UNC13D: variants seen among roughly 807,000 people sequenced by gnomAD.
The protein encoded by UNC13D is unc-13 homolog D.
In UNC13D, 115 loss-of-function variants were observed where a neutral mutation model predicts 151.7. The ratio of observed to expected loss-of-function variants is 0.76; its 90% CI spans 0.65 to 0.88. The LOEUF (loss-of-function observed/expected upper bound fraction) is 0.88, where lower values mean the gene tolerates loss of function less well. Ranked by LOEUF, UNC13D falls within the 40% of genes least tolerant of loss-of-function variation. The probability of loss-of-function intolerance (pLI) is 0.00; values close to 1 mark genes in which losing one functional copy is unlikely to be tolerated. For synonymous variants in UNC13D, 588 were observed against 612.2 expected, an observed-to-expected ratio of 0.96 and a Z score of 0.58; for missense variants, 1,369 against 1,438.7, an observed-to-expected ratio of 0.95 and a Z score of 0.78.
chr17:75,842,532 T>G lies in UNC13D; in HGVS notation c.470A>C (p.Gln157Pro), dbSNP rs754710723. ...PGGSPGSRHR[Q>P]KAVVRHTIPE... ...GATGGTGTGCCTCACCACAGCCTTC[T>G]GCCGATGCCGGGACCCGGGGCTGCC... The change falls in exon 6 of 32, where the codon CAG becomes CCG. Residue 157 changes from glutamine (Q) to proline (P), a missense_variant. Physicochemically the swap from Gln to Pro is moderately conservative, Grantham distance 76. Around this residue, in one of 3 missense-constraint regions of UNC13D, gnomAD observed 550 missense variants for 609.0 expected, o/e 0.90. Transcript: ENST00000207549. 3 of 1,612,844 alleles carry G rather than the reference T, an allele frequency of 1.9e-6. No individual in the cohort carries two copies. The highest frequency in any genetic ancestry group is 2.5e-6 in the Non-Finnish European group (3 of 1,179,686).
In UNC13D at chr17:75,828,942, A is replaced by G. The variant is rs1443594166; in HGVS notation, c.2996T>C (p.Leu999Pro). The change falls in exon 31 of 32, where the codon CTC (leucine) becomes CCC (proline). Residue 999 changes from leucine (L) to proline (P), a missense_variant. Coordinates refer to ENST00000207549, the MANE Select transcript of UNC13D (RefSeq NM_199242.3). ...GTCGTAGTCCAGCACGGTGAGCAGGAGGCATGCCCCAGCCTTGCGGCACGG... is the reference window on the plus strand; with the variant it reads ...GTCGTAGTCCAGCACGGTGAGCAGGGGGCATGCCCCAGCCTTGCGGCACGG... ...AEPCRKAGAC[L>P]LLTVLDYDTL... 6.2e-7 allele frequency: 1 copy of G among 1,606,086 alleles called. No homozygotes were observed. The highest frequency in any genetic ancestry group is 1.3e-5 in the African/African-American group (1 of 74,920).
At chr17:75,831,648 C>G (rs1332571969) in intron 25 of UNC13D, 4 of 469,396 alleles carry the variant, frequency 8.5e-6, no homozygotes, top group Non-Finnish European at 7.8e-6. Flanking sequence ...GAGGCCAGGC[C>G]CCCAGTGACA....
rs537494557 is a variant in UNC13D, at chr17:75,827,602, G to A, written c.*363C>T. On this transcript the variant is annotated 3_prime_UTR_variant, in exon 32 of 32. Transcript: ENST00000207549. ...AACCTGGCCCCCACCCCAGTGGCTG[G>A]AACAGGAAGGCCAGGAGGCAGATGG... 4.6e-4 allele frequency: 699 copies of A among 1,532,402 alleles called. 6 individuals carry two copies. Among genetic ancestry groups the A allele is most frequent in the South Asian group, 4.6e-4 (39 of 84,040 alleles). The allele number at this position is 1,532,402 out of a possible 1,614,324, so 94.9% of individuals were successfully genotyped here.
At position 75,833,942 on chromosome 17, in the gene UNC13D, G is replaced by A; in HGVS notation, c.2367+133C>T. 1.7e-6 allele frequency: 2 copies of A among 1,151,342 alleles called. No individual in the cohort carries two copies. The highest frequency in any genetic ancestry group is 1.3e-6 in the Non-Finnish European group (1 of 781,196). 71.3% of individuals were successfully genotyped at this position (1,151,342 alleles called of 1,614,324 possible). ...CCCGTTCCTGTGAGCATCCCAGGAGGAAACTGAGGCCCAGGGAGAGAACAT... is the reference window on the plus strand; with the variant it reads ...CCCGTTCCTGTGAGCATCCCAGGAGAAAACTGAGGCCCAGGGAGAGAACAT... On this transcript the variant is annotated intron_variant, in intron 24 of 31. Transcript: ENST00000207549. The surrounding 1 kb of genome is among the most constrained non-coding windows in gnomAD (Gnocchi z 4.0).
rs374069629 is a variant in UNC13D at position 75,836,711 on chromosome 17, G to C, written c.1174-15C>G. 168 of 1,613,516 alleles carry C rather than the reference G, an allele frequency of 1.0e-4. No homozygotes were observed. The African/African-American group carries it at 1.9e-3, about 18-fold the overall frequency. On this transcript the variant is annotated splice_polypyrimidine_tract_variant and intron_variant, in intron 13 of 31. Transcript: ENST00000207549. The stretch of plus-strand genomic sequence containing the variant: ...AGCTCCTCCTGCTGAAGAGCCAGGA[G>C]ATGCTTTAGGGGCCTAGACAGCTGC...
Position 75,840,338 on chromosome 17 carries a change from C to A in UNC13D, c.754-9G>T, listed in dbSNP as rs765308578. 1 of 1,612,960 alleles carries A rather than the reference C, an allele frequency of 6.2e-7. No individual in the cohort carries two copies. The highest frequency in any genetic ancestry group is 8.5e-7 in the Non-Finnish European group (1 of 1,179,794). On this transcript the variant is annotated splice_polypyrimidine_tract_variant and intron_variant, in intron 9 of 31. Coordinates refer to ENST00000207549, the MANE Select transcript of UNC13D (RefSeq NM_199242.3). This position sits in a 1 kb window ranked among gnomAD's most constrained non-coding sequence, Gnocchi z 4.6. ...TCTCGGCAGCGCAGGTCCTGACAGG[C>A]GGGGATGCCCAGCCCGTGAGCGTCA...
Position 75,832,924 on chromosome 17 carries a change from G to T in UNC13D, c.2447+42C>A. 1 of 1,544,508 alleles carries T rather than the reference G, an allele frequency of 6.5e-7. No individual in the cohort carries two copies. Among genetic ancestry groups the T allele is most frequent in the Non-Finnish European group, 8.8e-7 (1 of 1,138,292 alleles). On this transcript the variant is annotated intron_variant, in intron 25 of 31. Transcript: ENST00000207549. This position sits in a 1 kb window ranked among gnomAD's most constrained non-coding sequence, Gnocchi z 4.3. ...GGAAGGAGGGGCCGTGGGAGGAGAG[G>T]GGGAGGTGGCGAGCGCGCCCAGGGC...
At chr17:75,828,188 C>T (rs960560983) in intron 31 of UNC13D, 102 bp from the exon 32 acceptor site, 1 of 1,471,606 alleles carries the variant, frequency 6.8e-7, no homozygotes, top group Non-Finnish European at 9.2e-7. Flanking sequence ...TGCTCCATCT[C>T]CCCAACAACC....
At position 75,830,170 on chromosome 17, in the gene UNC13D, G is replaced by A. The variant is rs369860531; in HGVS notation, c.2831-19C>T. On this transcript the variant is annotated intron_variant, in intron 29 of 31. Transcript: ENST00000207549. ...CTGGAGCCTGGTAAGTGGCCGGGGAGTGTGCGTCAGCTGAGGGTCTCCCAG... is the reference window on the plus strand; with the variant it reads ...CTGGAGCCTGGTAAGTGGCCGGGGAATGTGCGTCAGCTGAGGGTCTCCCAG... The A allele has an allele frequency of 1.9e-6, 3 of 1,583,780 alleles. No homozygotes were observed. The highest frequency in any genetic ancestry group is 1.3e-5 in the African/African-American group (1 of 74,298).
intron 5 of UNC13D, 53 bp from the exon 6 acceptor site, chr17:75,842,666 G>A (rs1036059333): frequency 2.5e-5 from 40 of 1,607,960 alleles, no homozygotes; most frequent in Non-Finnish European, 3.3e-5. Context: ...GGGTCCCTGG[G>A]AGAGGCCCTC....
In UNC13D at chr17:75,830,386, T is replaced by C; in HGVS notation, c.2806A>G (p.Ser936Gly). 6.3e-7 allele frequency: 1 copy of C among 1,590,990 alleles called. No homozygotes were observed. Among genetic ancestry groups the C allele is most frequent in the East Asian group, 2.3e-5 (1 of 44,094 alleles). ...CCATTGGAGTCCAGGGGCAGCAGGC[T>C]GGAGGCGCTGAGCAGCTCCACACGC... ...KLRVELLSAS[S>G]LLPLDSNGSS... is the part of the protein sequence containing the mutation. Residue 936 changes from serine to glycine, a missense_variant, in exon 29 of 32, where the codon AGC becomes GGC. Physicochemically the swap from Ser to Gly is moderately conservative, Grantham distance 56. This residue lies in a region of UNC13D where 807 missense variants were observed against 795.5 expected (regional missense o/e 1.01). Transcript: ENST00000207549.
chr17:75,844,007 G>A (rs943713491), intron 1 of UNC13D: 4 of 1,424,346 alleles, frequency 2.8e-6, no homozygotes, highest in Non-Finnish European at 3.7e-6. Flanking sequence ...GAGAGCCTCA[G>A]ACCACAGGGC....
intron 1 of UNC13D, 53 bp downstream of exon 1, chr17:75,844,168 G>T: frequency 6.3e-7 from 1 of 1,597,798 alleles, no homozygotes; most frequent in Non-Finnish European, 8.5e-7. Context: ...ACCCGTACCC[G>T]AGACCACAGT....
chr17:75,830,351 C>G lies in UNC13D; in HGVS notation c.2830+11G>C. 6.3e-7 allele frequency: 1 copy of G among 1,591,426 alleles called. No individual in the cohort carries two copies. Among genetic ancestry groups the G allele is most frequent in the South Asian group, 1.1e-5 (1 of 87,624 alleles). ...GACCATGGAGAGTGGCCAAAGGCAG[C>G]CTCCACTCACCATTGGAGTCCAGGG... On this transcript the variant is annotated intron_variant, in intron 29 of 31. Coordinates refer to ENST00000207549, the MANE Select transcript of UNC13D (RefSeq NM_199242.3).
chr17:75,843,473 C>CT lies in UNC13D; in HGVS notation c.153+10dup, dbSNP rs769737584. On this transcript the variant is annotated intron_variant, in intron 2 of 31. Coordinates refer to ENST00000207549, the MANE Select transcript of UNC13D (RefSeq NM_199242.3). The stretch of plus-strand genomic sequence containing the variant: ...CCCCACCTCTCTGCACCCCAGCACT[C>CT]TGACTCTTACCTGCTCGGGGGAGAA... The CT allele has an allele frequency of 7.0e-5, 112 of 1,606,958 alleles. No individual in the cohort carries two copies. In the East Asian group the frequency reaches 2.4e-3, roughly 34 times the overall value.
At chr17:75,842,287 C>T (rs1599414526) in intron 6 of UNC13D, 146 bp downstream of exon 6, 2 of 1,127,246 alleles carry the variant, frequency 1.8e-6, no homozygotes, top group South Asian at 3.2e-5. Context: ...CCTAACGTGC[C>T]TGGAGATGGG....
At position 75,830,650 on chromosome 17, in the gene UNC13D, C is replaced by T. The variant is rs1372708758; in HGVS notation, c.2637G>A (p.Arg879=). 7.7e-6 allele frequency: 12 copies of T among 1,554,028 alleles called. No homozygotes were observed. Among genetic ancestry groups the T allele is most frequent in the Non-Finnish European group, 1.0e-5 (12 of 1,149,094 alleles). ...TGGAGGCCGCCTGCAGCTCCAGGTC[C>T]CTCTGCAGAGCCTGGGAACACATAC... ...LHTATFQALQ[R]DLELQAASSR... is the part of the protein sequence containing the mutation. The change falls in exon 28 of 32, where the codon AGG becomes AGA. Residue 879 remains arginine (R), a synonymous_variant. Coordinates refer to ENST00000207549, the MANE Select transcript of UNC13D (RefSeq NM_199242.3).
intron 6 of UNC13D, among the ~76,000 whole-genome samples, chr17:75,841,693 C>T (rs554832400): frequency 5.4e-5 from 8 of 149,138 alleles, no homozygotes; most frequent in African/African-American, 7.4e-5. Context: ...CCACCTGCCT[C>T]GGCCTCCCAA....
In UNC13D at chr17:75,832,839, G is replaced by A. The variant is rs994673615; in HGVS notation, c.2447+127C>T. On this transcript the variant is annotated intron_variant, in intron 25 of 31. Transcript: ENST00000207549. The surrounding 1 kb of genome is among the most constrained non-coding windows in gnomAD (Gnocchi z 4.3). Reference sequence around the variant, plus strand: ...GAGGGGCCGTGGGAGGAGAGGGGGAGGTGGCGAGCGCGCCCAGGGCAGGGG... The same window carrying A: ...GAGGGGCCGTGGGAGGAGAGGGGGAAGTGGCGAGCGCGCCCAGGGCAGGGG... 12 of 839,622 alleles carry A rather than the reference G, an allele frequency of 1.4e-5. No homozygotes were observed. Among genetic ancestry groups the A allele is most frequent in the Non-Finnish European group, 2.1e-5 (11 of 516,476 alleles). The allele number at this position is 839,622 out of a possible 1,614,324, so 52.0% of individuals were successfully genotyped here. A position where few individuals can be genotyped will look rare whatever the true frequency, so the allele number is the denominator to read the frequency against.
Sources: allele counts gnomAD v4.1 joint callset (sites outside exome capture counted in the v4.1 genomes callset), GRCh38; gene constraint gnomAD v4.1.1; regional missense constraint gnomAD v4.1.1; non-coding constraint Gnocchi (gnomAD v3.1); transcripts MANE v1.5; gene names NCBI Gene and HGNC (gene_info 2026-07-23, HGNC 2026-07-21).